The following NRXN3 variants were observed in gnomAD, a reference collection of about 807,000 sequenced individuals.
NRXN3 encodes neurexin 3, also known as neurexin III.
In NRXN3, 32 loss-of-function variants were observed where a neutral mutation model predicts 137.6. The ratio of observed to expected loss-of-function variants is 0.23; its 90% CI spans 0.18 to 0.31. NRXN3 has a LOEUF of 0.31. NRXN3 is among the 10% of genes least tolerant of loss of function. The pLI, the probability that NRXN3 is intolerant of heterozygous loss-of-function variation, is 1.00. For synonymous variants in NRXN3, 798 were observed against 784.5 expected (o/e 1.02, Z -0.29); for missense variants, 1,574 against 2,062.5 (o/e 0.76, Z 4.59).
At chr14:79,853,702 C>T in intron 20 of NRXN3, 1 of 1,245,064 alleles carries the variant, frequency 8.0e-7, no homozygotes, top group Non-Finnish European at 1.0e-6. Flanking sequence ...CTTTCTTTAG[C>T]ATTGTTAAAA....
chr14:78,596,165 C>T (rs2097156459), intron 4 of NRXN3, among the ~76,000 whole-genome samples: 1 of 152,196 alleles, frequency 6.6e-6, no homozygotes, highest in African/African-American at 2.4e-5. Flanking sequence ...TGTCTTCCTT[C>T]TATGGCTGCC....
intron 10 of NRXN3, among the ~76,000 whole-genome samples, chr14:78,844,251 A>G (rs2099020532): frequency 6.6e-6 from 1 of 152,132 alleles, no homozygotes. Flanking sequence ...GATTGCATTT[A>G]GAACATGCGT....
intron 18 of NRXN3, among the ~76,000 whole-genome samples, chr14:79,696,585 T>G (rs1454463574): frequency 6.6e-6 from 1 of 151,912 alleles, no homozygotes; most frequent in Non-Finnish European, 1.5e-5. Flanking sequence ...TACTTTGAGT[T>G]TGCTTGGGAA....
rs1201830141 is a variant in NRXN3 at position 79,861,293 on chromosome 14, C to T, written c.4094-49C>T. ...AGGGGAAACCTTTGACTCTAACCTG[C>T]CCCCTACTGATGATGAAGATTTTTA... On this transcript the variant is annotated intron_variant, in intron 20 of 20. Coordinates refer to ENST00000335750, the MANE Select transcript of NRXN3 (RefSeq NM_001330195.2). This position sits in a 1 kb window ranked among gnomAD's most constrained non-coding sequence, Gnocchi z 5.4. 54 of 1,535,946 alleles carry T rather than the reference C, an allele frequency of 3.5e-5. No homozygotes were observed. Among genetic ancestry groups the T allele is most frequent in the Non-Finnish European group, 4.4e-5 (50 of 1,146,906 alleles).
chr14:79,226,096 G>A (rs2070812656), intron 15 of NRXN3, among the ~76,000 whole-genome samples: 1 of 152,040 alleles, frequency 6.6e-6, no homozygotes, highest in Admixed American at 6.6e-5. Flanking sequence ...TGGGGATTAG[G>A]ATGTGGACGT....
intron 15 of NRXN3, among the ~76,000 whole-genome samples, chr14:79,360,455 T>C (rs2093645190): frequency 6.6e-6 from 1 of 152,224 alleles, no homozygotes; most frequent in Non-Finnish European, 1.5e-5. Context: ...GGAAAGTTAT[T>C]CCAATATCTA....
chr14:78,595,798 G>T (rs1050289027), intron 4 of NRXN3, among the ~76,000 whole-genome samples: 1 of 152,110 alleles, frequency 6.6e-6, no homozygotes, highest in African/African-American at 2.4e-5. Context: ...TGGAACTTTG[G>T]CCATCTCCAT....
intron 4 of NRXN3, among the ~76,000 whole-genome samples, chr14:78,334,368 T>C (rs2081207034): frequency 6.6e-6 from 1 of 152,138 alleles, no homozygotes; most frequent in Non-Finnish European, 1.5e-5. Flanking sequence ...AGAACTCATA[T>C]TCCCTAAGGG....
chr14:78,507,197 A>T (rs1204646941), intron 4 of NRXN3, among the ~76,000 whole-genome samples: 1 of 152,186 alleles, frequency 6.6e-6, no homozygotes, highest in African/African-American at 2.4e-5. Context: ...CTACCTCATG[A>T]AGTCCTCAAA....
intron 3 of NRXN3, among the ~76,000 whole-genome samples, chr14:78,294,504 C>A (rs2076115733): frequency 7.5e-6 from 1 of 134,200 alleles, no homozygotes; most frequent in African/African-American, 2.8e-5. Flanking sequence ...GGCAGTAAGC[C>A]AAGATTGCAC....
chr14:78,260,105 G>T (rs1056773993), intron 2 of NRXN3, among the ~76,000 whole-genome samples: 8 of 152,190 alleles, frequency 5.3e-5, no homozygotes, highest in African/African-American at 1.9e-4. Flanking sequence ...GAGGTTCACT[G>T]TGTGTCAGGA....
chr14:79,795,634 C>T (rs1466229776), intron 19 of NRXN3, among the ~76,000 whole-genome samples: 1 of 152,192 alleles, frequency 6.6e-6, no homozygotes, highest in East Asian at 1.9e-4. Context: ...GTTTCAAATA[C>T]CAAAACTTGC....
intron 4 of NRXN3, among the ~76,000 whole-genome samples, chr14:78,444,187 C>T (rs1311568888): frequency 6.6e-6 from 1 of 152,206 alleles, no homozygotes; most frequent in Non-Finnish European, 1.5e-5. Flanking sequence ...CCATGTCCTT[C>T]CCTCAAATAT....
chr14:78,911,110 A>G (rs1381930783), intron 10 of NRXN3, among the ~76,000 whole-genome samples: 1 of 152,230 alleles, frequency 6.6e-6, no homozygotes, highest in Non-Finnish European at 1.5e-5. Context: ...AGTGTTTGCT[A>G]CATATGAAGC....
intron 3 of NRXN3, among the ~76,000 whole-genome samples, chr14:78,280,940 G>T (rs2074326046): frequency 6.6e-6 from 1 of 152,190 alleles, no homozygotes; most frequent in Non-Finnish European, 1.5e-5. Flanking sequence ...TGTTGAGGAA[G>T]TTGGGGCCCA....
intron 15 of NRXN3, among the ~76,000 whole-genome samples, chr14:79,167,832 G>C (rs1385534942): frequency 2.0e-5 from 3 of 151,470 alleles, no homozygotes; most frequent in Non-Finnish European, 4.4e-5. Context: ...ACCTGCTTCA[G>C]CCAGCATTAT....
chr14:79,016,542 G>T (rs926399996), intron 15 of NRXN3, among the ~76,000 whole-genome samples: 3 of 152,138 alleles, frequency 2.0e-5, no homozygotes, highest in African/African-American at 7.2e-5. Flanking sequence ...GATAGACATG[G>T]TCCCAGCTCT....
chr14:79,064,871 C>A (rs939599926), intron 15 of NRXN3, among the ~76,000 whole-genome samples: 1 of 149,510 alleles, frequency 6.7e-6, no homozygotes, highest in African/African-American at 2.4e-5. Flanking sequence ...AATTAGAGTA[C>A]ATTAAAATTT....
chr14:78,532,143 A>G (rs1368495661), intron 4 of NRXN3, among the ~76,000 whole-genome samples: 2 of 96,810 alleles, frequency 2.1e-5, no homozygotes, highest in Non-Finnish European at 4.9e-5. Context: ...CATCTTTACT[A>G]AAAATACAAA....
Sources: gnomAD v4.1 joint callset for allele counts (sites outside exome capture counted in the v4.1 genomes callset) on GRCh38, gnomAD v4.1.1 for gene constraint, Gnocchi (gnomAD v3.1) non-coding constraint, MANE v1.5 for transcripts, NCBI Gene and HGNC (gene_info 2026-07-23, HGNC 2026-07-21) for gene names.